SPIDR: variants seen among roughly 807,000 people sequenced by gnomAD.
SPIDR encodes the protein DNA repair-scaffolding protein.
SPIDR carries 93 observed loss-of-function variants against 104.6 expected under a neutral mutation model. The ratio of observed to expected loss-of-function variants is 0.89; its 90% CI spans 0.75 to 1.06. SPIDR has a LOEUF of 1.06. Among genes scored for constraint, SPIDR ranks in the 50% least tolerant of loss-of-function variants. The pLI is 0.00. For missense variants in SPIDR, 1,154 were observed against 1,111.2 expected (o/e 1.04, Z -0.55); for synonymous variants, 431 against 416.9 (o/e 1.03, Z -0.41).
chr8:47,581,608 G>C (rs1420626228), intron 8 of SPIDR, among the ~76,000 whole-genome samples: 1 of 152,160 alleles, frequency 6.6e-6, no homozygotes, highest in Non-Finnish European at 1.5e-5. Flanking sequence ...CCTTTGGCCA[G>C]TGGGTCCCAG....
chr8:47,393,671 CTT>C (rs1195917149), intron 5 of SPIDR, among the ~76,000 whole-genome samples: 1 of 135,340 alleles, frequency 7.4e-6, no homozygotes, highest in Non-Finnish European at 1.6e-5. Context: ...TTTCCCTTTC[CTT>C]TTTCCTTTCC....
chr8:47,493,044 T>TGA (rs1366745454), intron 8 of SPIDR, among the ~76,000 whole-genome samples: 26 of 97,790 alleles, frequency 2.7e-4, no homozygotes, highest in African/African-American at 1.6e-3. Context: ...AGAGAGTGAG[T>TGA]GTGTGTGTGT....
intron 8 of SPIDR, among the ~76,000 whole-genome samples, chr8:47,442,738 C>G (rs1050815194): frequency 3.3e-5 from 5 of 152,062 alleles, no homozygotes; most frequent in African/African-American, 1.2e-4. Context: ...AAAACTCCTC[C>G]CTCCTCAGCT....
At chr8:47,479,541 C>T (rs868929280) in intron 8 of SPIDR, among the ~76,000 whole-genome samples, 1 of 152,080 alleles carries the variant, frequency 6.6e-6, no homozygotes, top group African/African-American at 2.4e-5. Context: ...CAGCCCACAG[C>T]GGAATTCCAC....
intron 8 of SPIDR, among the ~76,000 whole-genome samples, chr8:47,525,478 A>G (rs1439205039): frequency 6.6e-6 from 1 of 152,192 alleles, no homozygotes; most frequent in Admixed American, 6.5e-5. Context: ...CCTCTTTCCA[A>G]AGTTTTCTGT....
chr8:47,486,375 G>C (rs1554731165), intron 8 of SPIDR, among the ~76,000 whole-genome samples: 1 of 152,210 alleles, frequency 6.6e-6, no homozygotes, highest in Admixed American at 6.5e-5. Flanking sequence ...ATCTACGTCT[G>C]ATTGGTGTAC....
intron 5 of SPIDR, among the ~76,000 whole-genome samples, chr8:47,391,079 G>A (rs141007073): frequency 6.6e-6 from 1 of 152,268 alleles, no homozygotes; most frequent in East Asian, 1.9e-4. Context: ...CAAGACAGCT[G>A]GTGTCCGGTG....
chr8:47,392,833 T>C (rs1173112391), intron 5 of SPIDR, among the ~76,000 whole-genome samples: 3 of 152,242 alleles, frequency 2.0e-5, no homozygotes, highest in Non-Finnish European at 4.4e-5. Context: ...TCTGCTGTTT[T>C]CATTTTATCT....
intron 8 of SPIDR, among the ~76,000 whole-genome samples, chr8:47,494,893 T>C (rs1209979975): frequency 6.6e-6 from 1 of 152,198 alleles, no homozygotes; most frequent in Non-Finnish European, 1.5e-5. Flanking sequence ...TATGCATCTT[T>C]TAGTAGGGTG....
chr8:47,425,931 G>A (rs141207836), intron 7 of SPIDR, among the ~76,000 whole-genome samples: 11 of 152,086 alleles, frequency 7.2e-5, no homozygotes, highest in African/African-American at 1.9e-4. Flanking sequence ...GAAGGTACCC[G>A]TATTACTACC....
At chr8:47,275,262 A>AAAAAAG (rs2036179280) in intron 1 of SPIDR, among the ~76,000 whole-genome samples, 1 of 151,920 alleles carries the variant, frequency 6.6e-6, no homozygotes. Context: ...CAGTCTCAAA[A>AAAAAAG]AAAAAAGAAA....
chr8:47,303,631 TC>T (rs2042622594), intron 5 of SPIDR, among the ~76,000 whole-genome samples: 1 of 152,182 alleles, frequency 6.6e-6, no homozygotes, highest in Admixed American at 6.5e-5. Context: ...GATTTTGTCT[TC>T]CATTCTATTA....
At chr8:47,576,217 T>C (rs1312143994) in intron 8 of SPIDR, among the ~76,000 whole-genome samples, 3 of 152,212 alleles carry the variant, frequency 2.0e-5, no homozygotes, top group Non-Finnish European at 4.4e-5. Flanking sequence ...AATGGCACAA[T>C]TTCAGCTCAC....
At chr8:47,328,147 C>T (rs993218749) in intron 5 of SPIDR, among the ~76,000 whole-genome samples, 3 of 151,978 alleles carry the variant, frequency 2.0e-5, no homozygotes, top group African/African-American at 7.3e-5. Flanking sequence ...TTGCCAAATC[C>T]ACGATCATGA....
At chr8:47,496,092 GTTTT>G (rs1050690178) in intron 8 of SPIDR, among the ~76,000 whole-genome samples, 18 of 152,048 alleles carry the variant, frequency 1.2e-4, no homozygotes, top group African/African-American at 4.3e-4. Flanking sequence ...ACTCATAACA[GTTTT>G]TTTAAGATTC....
At chr8:47,635,068 T>C (rs1051731826) in intron 10 of SPIDR, among the ~76,000 whole-genome samples, 8 of 152,066 alleles carry the variant, frequency 5.3e-5, no homozygotes, top group Non-Finnish European at 1.2e-4. Flanking sequence ...AGATGGTTAA[T>C]GGGTCCAAAG....
At chr8:47,732,109 C>G in intron 19 of SPIDR, 1 of 702,306 alleles carries the variant, frequency 1.4e-6, no homozygotes, top group South Asian at 1.5e-5. Flanking sequence ...ACACCCGTTC[C>G]AATCCCCACC....
intron 10 of SPIDR, among the ~76,000 whole-genome samples, chr8:47,645,437 G>A (rs1433080915): frequency 2.6e-5 from 4 of 152,124 alleles, no homozygotes. Context: ...TGATGGCCTT[G>A]TTGAGGTGGA....
chr8:47,654,485 C>T (rs540325595), intron 10 of SPIDR, among the ~76,000 whole-genome samples: 10 of 152,264 alleles, frequency 6.6e-5, no homozygotes, highest in African/African-American at 2.4e-4. Flanking sequence ...GGTAAAGTAA[C>T]AGATCTAGAG....
Sources: allele counts gnomAD v4.1 joint callset (sites outside exome capture counted in the v4.1 genomes callset), GRCh38; gene constraint gnomAD v4.1.1; transcripts MANE v1.5; gene names NCBI Gene and HGNC (gene_info 2026-07-23, HGNC 2026-07-21).